The following ANKS1B variants were observed in gnomAD, a reference collection of about 807,000 sequenced individuals.
ANKS1B encodes the protein ankyrin repeat and sterile alpha motif domain-containing protein 1B.
ANKS1B carries 36 observed loss-of-function variants against 148.3 expected under a neutral mutation model. The observed-to-expected ratio is 0.24, with a 90% CI of 0.19 to 0.32. The LOEUF is 0.32. ANKS1B is among the 10% of genes least tolerant of loss of function. The pLI is 1.00. For synonymous variants in ANKS1B, 542 were observed against 560.8 expected (o/e 0.97, Z 0.47); for missense variants, 1,157 against 1,542.6 (o/e 0.75, Z 4.19).
intron 8 of ANKS1B, among the ~76,000 whole-genome samples, chr12:99,695,152 T>C (rs892916211): frequency 6.6e-6 from 1 of 152,176 alleles, no homozygotes; most frequent in Non-Finnish European, 1.5e-5. Context: ...ATAAATTATT[T>C]ATTATCAGGA....
At chr12:99,160,983 C>G (rs71462264) in intron 14 of ANKS1B, among the ~76,000 whole-genome samples, 53 of 152,212 alleles carry the variant, frequency 3.5e-4, no homozygotes, top group Non-Finnish European at 5.3e-4. Flanking sequence ...ATGCCTCTGG[C>G]TTTGTTCTTT....
intron 17 of ANKS1B, among the ~76,000 whole-genome samples, chr12:98,926,593 T>C (rs2099808606): frequency 6.6e-6 from 1 of 152,286 alleles, no homozygotes; most frequent in Non-Finnish European, 1.5e-5. Flanking sequence ...TTAAACCATC[T>C]ATCATAAATA....
chr12:99,042,444 G>A (rs563018544), intron 17 of ANKS1B, among the ~76,000 whole-genome samples: 2 of 152,330 alleles, frequency 1.3e-5, no homozygotes, highest in South Asian at 4.1e-4. Flanking sequence ...TGCCAGATGT[G>A]AGGGAGCCAG....
intron 1 of ANKS1B, among the ~76,000 whole-genome samples, chr12:99,933,110 C>A (rs2094666793): frequency 6.6e-6 from 1 of 152,048 alleles, no homozygotes; most frequent in Non-Finnish European, 1.5e-5. Context: ...CTATTCTGTT[C>A]CATTGGTCTG....
intron 12 of ANKS1B, among the ~76,000 whole-genome samples, chr12:99,278,079 T>C (rs2077909581): frequency 6.6e-6 from 1 of 152,234 alleles, no homozygotes; most frequent in African/African-American, 2.4e-5. Context: ...CAAAGATTAA[T>C]ATTCCCTTCC....
At chr12:99,291,164 G>A (rs1240683931) in intron 12 of ANKS1B, among the ~76,000 whole-genome samples, 1 of 151,952 alleles carries the variant, frequency 6.6e-6, no homozygotes, top group African/African-American at 2.4e-5. Context: ...AAATACTTAG[G>A]AATAGACTTA....
At chr12:99,829,056 A>T (rs775969528) in intron 1 of ANKS1B, among the ~76,000 whole-genome samples, 2 of 152,200 alleles carry the variant, frequency 1.3e-5, no homozygotes, top group Non-Finnish European at 2.9e-5. Flanking sequence ...GATATAGACA[A>T]ATAGAAGGGA....
intron 9 of ANKS1B, among the ~76,000 whole-genome samples, chr12:99,542,889 G>A (rs1048960317): frequency 4.1e-4 from 62 of 151,926 alleles, no homozygotes; most frequent in Admixed American, 4.0e-3. Context: ...AAACTCTTGG[G>A]GAAGAAGTAT....
At chr12:99,918,610 T>C (rs900648746) in intron 1 of ANKS1B, among the ~76,000 whole-genome samples, 3 of 152,216 alleles carry the variant, frequency 2.0e-5, no homozygotes, top group African/African-American at 7.2e-5. Flanking sequence ...TTTCAACCTC[T>C]ACTCTAAATT....
intron 1 of ANKS1B, among the ~76,000 whole-genome samples, chr12:99,853,424 TC>T: frequency 6.6e-6 from 1 of 151,996 alleles, no homozygotes; most frequent in Admixed American, 6.6e-5. Context: ...TCGTAGACAC[TC>T]CCCAGTACCA....
Position 99,832,941 on chromosome 12 carries a change from G to A in ANKS1B, c.135-7552C>T, listed in dbSNP as rs568753067. Among the ~76,000 whole-genome samples the A allele has an allele frequency of 2.0e-4, 31 of 152,198 alleles. No individual in the cohort carries two copies. The South Asian group carries it at 3.3e-3, about 16-fold the overall frequency. On this transcript the variant is annotated intron_variant, in intron 1 of 26. Coordinates refer to ENST00000683438, the MANE Select transcript of ANKS1B (RefSeq NM_001352186.2). ...AGCCAAAACATATAAAGTGAAAAAC[G>A]TAAATTGCAGAATATTGTGTGTGTC... is the stretch of plus-strand genomic sequence containing the variant.
chr12:99,514,092 G>T (rs1386966486), intron 9 of ANKS1B, among the ~76,000 whole-genome samples: 2 of 151,958 alleles, frequency 1.3e-5, no homozygotes, highest in East Asian at 3.9e-4. Flanking sequence ...AAGAAACAAA[G>T]TTCCTTGAGT....
rs536327320 is a variant in ANKS1B, at chr12:99,569,223, G to C, written c.1273-64582C>G. Among the ~76,000 whole-genome samples, 13 of 152,272 alleles carry C rather than the reference G, an allele frequency of 8.5e-5. No individual in the cohort carries two copies. In the South Asian group the frequency reaches 2.5e-3, roughly 29 times the overall value. The stretch of plus-strand genomic sequence containing the variant: ...CTGGAAGGTAAAAACAAATTTAGAA[G>C]AATAATGGATGTGCTGTCTGGAGGC... On this transcript the variant is annotated intron_variant, in intron 9 of 26. Transcript: ENST00000683438.
At chr12:99,319,128 G>A (rs1159475827) in intron 12 of ANKS1B, among the ~76,000 whole-genome samples, 1 of 152,194 alleles carries the variant, frequency 6.6e-6, no homozygotes, top group Admixed American at 6.5e-5. Context: ...GTGATGTGGT[G>A]CTAAGAAGAA....
intron 10 of ANKS1B, among the ~76,000 whole-genome samples, chr12:99,466,527 T>C (rs2096118299): frequency 1.3e-5 from 2 of 151,160 alleles, no homozygotes; most frequent in Non-Finnish European, 2.9e-5. Context: ...ATCAACAAAA[T>C]TGATAGACCG....
chr12:99,729,902 C>T (rs2058970416), intron 8 of ANKS1B, among the ~76,000 whole-genome samples: 1 of 152,166 alleles, frequency 6.6e-6, no homozygotes, highest in Non-Finnish European at 1.5e-5. Context: ...ATAAGTTTGT[C>T]ACTGTATCAC....
At position 98,832,148 on chromosome 12, in the gene ANKS1B, T is replaced by A. The variant is rs1382037957; in HGVS notation, c.2779-12A>T. The A allele has an allele frequency of 1.9e-6, 3 of 1,539,774 alleles. No homozygotes were observed. Among genetic ancestry groups the A allele is most frequent in the Non-Finnish European group, 2.6e-6 (3 of 1,136,200 alleles). ...TTGATTTTTAAAACCTGAAACAACA[T>A]ATATTTGGGTTAAATATTTCACTGG... is the stretch of plus-strand genomic sequence containing the variant. On this transcript the variant is annotated splice_polypyrimidine_tract_variant and intron_variant, in intron 17 of 26. Transcript: ENST00000683438.
chr12:98,773,318 A>G (rs2098619150), intron 24 of ANKS1B, 139 bp from the exon 25 acceptor site: 1 of 948,646 alleles, frequency 1.1e-6, no homozygotes, highest in South Asian at 2.0e-5. Flanking sequence ...GTGGTCCACT[A>G]TATTATTTGT....
intron 17 of ANKS1B, among the ~76,000 whole-genome samples, chr12:98,960,546 G>A (rs1210332352): frequency 1.3e-5 from 2 of 152,082 alleles, no homozygotes; most frequent in Non-Finnish European, 1.5e-5. Flanking sequence ...GTACAAACGA[G>A]CCCAGACTTA....
Sources: gnomAD v4.1 joint callset for allele counts (sites outside exome capture counted in the v4.1 genomes callset) on GRCh38, gnomAD v4.1.1 for gene constraint, MANE v1.5 for transcripts, NCBI Gene and HGNC (gene_info 2026-07-23, HGNC 2026-07-21) for gene names.